The following DPH7 variants were observed in gnomAD, a reference collection of about 807,000 sequenced individuals.
DPH7 encodes the protein diphthamide biosynthesis 7.
Under a neutral mutation model 41.7 loss-of-function variants are expected in DPH7, and 44 were observed. That is an observed-to-expected ratio of 1.05 (90% CI 0.83 to 1.36). DPH7 has a LOEUF of 1.36. DPH7 is among the 40% of genes most tolerant of loss of function. The probability of loss-of-function intolerance (pLI) is 0.00; values close to 1 mark genes in which losing one functional copy is unlikely to be tolerated. For missense variants in DPH7, 629 were observed against 577.5 expected (o/e 1.09, Z -0.91); for synonymous variants, 275 against 238.0 (o/e 1.16, Z -1.43).
At chr9:137,558,105 C>T (rs912526430) in intron 8 of DPH7, among the ~76,000 whole-genome samples, 2 of 152,084 alleles carry the variant, frequency 1.3e-5, no homozygotes, top group African/African-American at 4.8e-5. Context: ...CATTGTATTC[C>T]AGCCTGGGAG....
rs771036400 is a variant in DPH7 at position 137,554,532 on chromosome 9, G to A, written c.*707C>T. ...TGGCTCATTGCAGCCTCGACCTCCTGGGCTCAACAATCCTCCTGCCTCAGC... is the reference window on the plus strand; with the variant it reads ...TGGCTCATTGCAGCCTCGACCTCCTAGGCTCAACAATCCTCCTGCCTCAGC... On this transcript the variant is annotated 3_prime_UTR_variant, in exon 9 of 9. Transcript: ENST00000277540. Among the ~76,000 whole-genome samples the A allele has an allele frequency of 1.3e-5, 2 of 152,120 alleles. No individual in the cohort carries two copies. The highest frequency in any genetic ancestry group is 2.9e-5 in the Non-Finnish European group (2 of 68,012).
At chr9:137,563,708 T>C (rs1588846588) in intron 8 of DPH7, among the ~76,000 whole-genome samples, 1 of 151,572 alleles carries the variant, frequency 6.6e-6, no homozygotes, top group African/African-American at 2.4e-5. Flanking sequence ...GGTGGGAAGA[T>C]GAGGTGGTTT....
intron 1 of DPH7, 108 bp from the exon 2 acceptor site, chr9:137,577,711 G>A: frequency 7.2e-7 from 1 of 1,389,308 alleles, no homozygotes; most frequent in Non-Finnish European, 9.8e-7. Context: ...CTAAAGGAGT[G>A]GAATTCTGCC....
intron 5 of DPH7, among the ~76,000 whole-genome samples, chr9:137,572,643 C>T (rs936930598): frequency 1.3e-4 from 20 of 152,150 alleles, no homozygotes; most frequent in Admixed American, 1.2e-3. Flanking sequence ...CTCAGAGACC[C>T]GCCCCTCTCA....
intron 8 of DPH7, among the ~76,000 whole-genome samples, chr9:137,562,641 T>C (rs1162319017): frequency 1.3e-5 from 2 of 152,088 alleles, no homozygotes; most frequent in African/African-American, 2.4e-5. Flanking sequence ...TGGCTGGGCA[T>C]GGTGGTCCCA....
Position 137,555,336 on chromosome 9 carries a change from CCA to C in DPH7, c.1260_1261del (p.Cys420TrpfsTer21). ...TGAGTCTGCTTCTTCTGGGTTCACGCCACAGTCACGTGTGGTGGCTGCTGTAG... is the reference window on the plus strand; with the variant it reads ...TGAGTCTGCTTCTTCTGGGTTCACGCCAGTCACGTGTGGTGGCTGCTGTAG... On this transcript the variant is annotated frameshift_variant, in exon 9 of 9. Transcript: ENST00000277540. LOFTEE classifies it low-confidence loss of function (END_TRUNC). The C allele has an allele frequency of 6.2e-7, 1 of 1,614,230 alleles. No individual in the cohort carries two copies. Among genetic ancestry groups the C allele is most frequent in the Non-Finnish European group, 8.5e-7 (1 of 1,180,036 alleles).
intron 5 of DPH7, among the ~76,000 whole-genome samples, chr9:137,573,129 A>G (rs1384239575): frequency 6.6e-6 from 1 of 152,162 alleles, no homozygotes; most frequent in East Asian, 1.9e-4. Context: ...TGGGAGGCCG[A>G]GGCGAGTGGA....
chr9:137,565,017 G>C, intron 6 of DPH7, 59 bp from the exon 7 acceptor site: 4 of 1,609,954 alleles, frequency 2.5e-6, no homozygotes, highest in Non-Finnish European at 3.4e-6. Context: ...CCAGGGAACG[G>C]GAGGGCTGGT....
intron 4 of DPH7, 96 bp downstream of exon 4, chr9:137,574,656 C>T (rs556275104): frequency 3.0e-5 from 36 of 1,203,956 alleles, no homozygotes; most frequent in Middle Eastern, 2.9e-4. Flanking sequence ...GGAGCACAGT[C>T]GCAGCTCGCT....
At position 137,555,503 on chromosome 9, in the gene DPH7, T is replaced by G. The variant is rs1351552433; in HGVS notation, c.1095A>C (p.Ala365=). Residue 365 remains alanine (A), a synonymous_variant, in exon 9 of 9, where the codon GCA becomes GCC. Coordinates refer to ENST00000277540, the MANE Select transcript of DPH7 (RefSeq NM_138778.5). ...SFPSNLGTKT[A]DLKGASELPT... ...GCAACTCGCTTGCACCCTTCAGGTC[T>G]GCCGTCTTGGTTCCTAGGTTGCTAG... The G allele has an allele frequency of 6.2e-7, 1 of 1,614,158 alleles. No individual in the cohort carries two copies. The highest frequency in any genetic ancestry group is 1.1e-5 in the South Asian group (1 of 91,088).
chr9:137,573,360 C>CA (rs34523698), intron 5 of DPH7, among the ~76,000 whole-genome samples: 2,097 of 40,192 alleles, frequency 0.052, 101 homozygotes, highest in African/African-American at 0.087. Flanking sequence ...GACTCCATCT[C>CA]AAAAAAAAAA....
intron 8 of DPH7, among the ~76,000 whole-genome samples, chr9:137,559,313 A>T (rs1339301854): frequency 2.6e-5 from 4 of 152,232 alleles, no homozygotes; most frequent in Non-Finnish European, 1.5e-5. Flanking sequence ...CGGTGACGCC[A>T]GCATCTGGGA....
intron 8 of DPH7, among the ~76,000 whole-genome samples, chr9:137,557,930 T>C (rs1163010058): frequency 2.0e-5 from 3 of 151,448 alleles, no homozygotes; most frequent in Non-Finnish European, 2.9e-5. Context: ...AGGTCAGGAG[T>C]TCAAGACCAG....
chr9:137,564,408 C>A lies in DPH7; in HGVS notation c.949+26G>T, dbSNP rs1839178841. The A allele has an allele frequency of 5.0e-6, 8 of 1,598,488 alleles. No homozygotes were observed. The East Asian group carries it at 1.6e-4, about 31-fold the overall frequency. On this transcript the variant is annotated intron_variant, in intron 8 of 8. Transcript: ENST00000277540. ...AGGGAACTGGTGCCCTGCCCTGAGG[C>A]CCAGCAGCCACGGGTCCCCACTCAC... is the stretch of plus-strand genomic sequence containing the variant.
At chr9:137,573,631 T>C (rs562492882) in intron 5 of DPH7, among the ~76,000 whole-genome samples, 3,175 of 122,066 alleles carry the variant, frequency 0.026, 59 homozygotes, top group Non-Finnish European at 0.033. Context: ...TGCAGTGAGC[T>C]GAGATTGCAT....
rs748518799 is a variant in DPH7 at position 137,555,380 on chromosome 9, A to C, written c.1218T>G (p.Asn406Lys). Residue 406 changes from asparagine to lysine, a missense_variant, in exon 9 of 9, where the codon AAT becomes AAG. Transcript: ENST00000277540. ...CTGCTGTAGCCTGCAGCCAGGTGCCATTCTTCCTCATGCCCTCTGTGAGTG... is the reference window on the plus strand; with the variant it reads ...CTGCTGTAGCCTGCAGCCAGGTGCCCTTCTTCCTCATGCCCTCTGTGAGTG... ...MKPLTEGMRK[N>K]GTWLQATAAT... 9 of 1,614,150 alleles carry C rather than the reference A, an allele frequency of 5.6e-6. No homozygotes were observed. Among genetic ancestry groups the C allele is most frequent in the Non-Finnish European group, 7.6e-6 (9 of 1,180,022 alleles).
rs1837534520 is a variant in DPH7 at position 137,556,557 on chromosome 9, G to A, written c.950-909C>T. The A allele has an allele frequency of 3.8e-5, 12 of 319,728 alleles. No homozygotes were observed. Among genetic ancestry groups the A allele is most frequent in the South Asian group, 3.0e-4 (12 of 40,218 alleles). The allele number at this position is 319,728 out of a possible 1,614,324, so 19.8% of individuals were successfully genotyped here. A position where few individuals can be genotyped will look rare whatever the true frequency, so the allele number is the denominator to read the frequency against. Reference sequence around the variant, plus strand: ...AACGTGCCGAGGTTGTATGGGCCTGGGCCGGGGAGGCCCAACCCTGGGCCC... The same window carrying A: ...AACGTGCCGAGGTTGTATGGGCCTGAGCCGGGGAGGCCCAACCCTGGGCCC... On this transcript the variant is annotated intron_variant, in intron 8 of 8. Transcript: ENST00000277540. The surrounding 1 kb of genome is among the most constrained non-coding windows in gnomAD (Gnocchi z 5.2).
rs755391809 is a variant in DPH7, at chr9:137,555,371, C to T, written c.1227G>A (p.Trp409Ter). The T allele has an allele frequency of 1.2e-6, 2 of 1,614,090 alleles. No individual in the cohort carries two copies. Among genetic ancestry groups the T allele is most frequent in the Admixed American group, 1.7e-5 (1 of 60,000 alleles). ...LTEGMRKNGT[W>*]LQATAATTRD... ...GTGTGGTGGCTGCTGTAGCCTGCAG[C>T]CAGGTGCCATTCTTCCTCATGCCCT... The change falls in exon 9 of 9, where the codon TGG (tryptophan) becomes TGA (stop). Residue 409 changes from tryptophan to a stop codon, truncating the protein, a stop_gained. Coordinates refer to ENST00000277540, the MANE Select transcript of DPH7 (RefSeq NM_138778.5). LOFTEE classifies it low-confidence loss of function (END_TRUNC).
chr9:137,577,050 C>T (rs1311637153), intron 2 of DPH7, among the ~76,000 whole-genome samples: 2 of 97,606 alleles, frequency 2.0e-5, no homozygotes, highest in Admixed American at 2.3e-4. Context: ...CAAAACCCTG[C>T]CTCAAAAAAA....
Sources: gnomAD v4.1 joint callset for allele counts (sites outside exome capture counted in the v4.1 genomes callset) on GRCh38, gnomAD v4.1.1 for gene constraint, Gnocchi (gnomAD v3.1) non-coding constraint, MANE v1.5 for transcripts, NCBI Gene and HGNC (gene_info 2026-07-23, HGNC 2026-07-21) for gene names.